The following LSR variants were observed in gnomAD, a reference collection of about 807,000 sequenced individuals.
LSR encodes lipolysis stimulated lipoprotein receptor, also known as lipolysis-stimulated lipoprotein receptor.
Under a neutral mutation model 61.8 loss-of-function variants are expected in LSR, and 44 were observed. That is an observed-to-expected ratio of 0.71 (90% CI 0.56 to 0.91). LSR has a LOEUF of 0.91. Ranked by LOEUF, LSR falls within the 40% of genes least tolerant of loss-of-function variation. The pLI is 0.00. For synonymous variants in LSR, 397 were observed against 350.6 expected (o/e 1.13, Z -1.48); for missense variants, 911 against 830.5 (o/e 1.10, Z -1.19).
At position 35,249,135 on chromosome 19, in the gene LSR, C is replaced by T. The variant is rs149370311; in HGVS notation, c.109+4C>T. 2.6e-3 allele frequency: 3,936 copies of T among 1,528,208 alleles called. 12 individuals are homozygous for T. The highest frequency in any genetic ancestry group is 7.8e-3 in the Middle Eastern group (34 of 4,348). The allele number at this position is 1,528,208 out of a possible 1,614,324, so 94.7% of individuals were successfully genotyped here. On this transcript the variant is annotated splice_donor_region_variant and intron_variant, in intron 1 of 9. Transcript: ENST00000605618. ...CTGCTTAGCACCTGGTGCACAGGTA[C>T]GGGGCACGGGGCCTCTGACGCTGCG...
Position 35,266,649 on chromosome 19 carries a change from G to A in LSR, c.953-30G>A. ...GCCGAGGAGGGGCTCTGCTCCTGGT[G>A]CGCGGCCACTGACAGCCACTCTCCC... On this transcript the variant is annotated intron_variant, in intron 6 of 9. Transcript: ENST00000605618. 1.9e-6 allele frequency: 3 copies of A among 1,601,146 alleles called. No individual in the cohort carries two copies. The South Asian group carries it at 3.4e-5, about 18-fold the overall frequency.
chr19:35,262,887 A>C, intron 5 of LSR, 195 bp downstream of exon 5: 1 of 613,786 alleles, frequency 1.6e-6, no homozygotes. Flanking sequence ...GTTTATTTTT[A>C]TTTATGTTGT....
In LSR at chr19:35,266,757, G is replaced by A. The variant is rs754574219; in HGVS notation, c.1012+19G>A. On this transcript the variant is annotated intron_variant, in intron 7 of 9. Coordinates refer to ENST00000605618, the MANE Select transcript of LSR (RefSeq NM_205834.4). ...GCCTCTGGTGAGAATCCATCGTCCC[G>A]AAGTTGGATGTGCCTGTAAGGGAGA... 1.2e-6 allele frequency: 2 copies of A among 1,608,936 alleles called. No homozygotes were observed. Among genetic ancestry groups the A allele is most frequent in the Non-Finnish European group, 8.5e-7 (1 of 1,177,894 alleles).
chr19:35,260,859 T>C (rs1279687888), intron 3 of LSR, among the ~76,000 whole-genome samples: 3 of 151,410 alleles, frequency 2.0e-5, no homozygotes, highest in Admixed American at 6.6e-5. Context: ...CACACACGCA[T>C]ATAGTCCATT....
chr19:35,249,091 G>T lies in LSR; in HGVS notation c.69G>T (p.Ala23=), dbSNP rs1198798752. 6 of 1,554,742 alleles carry T rather than the reference G, an allele frequency of 3.9e-6. No homozygotes were observed. Among genetic ancestry groups the T allele is most frequent in the Non-Finnish European group, 5.2e-6 (6 of 1,151,246 alleles). Residue 23 remains alanine, a synonymous_variant, in exon 1 of 10, where the codon GCG becomes GCT. Coordinates refer to ENST00000605618, the MANE Select transcript of LSR (RefSeq NM_205834.4). ...ACCCGGCCGCCGCAGGCCGGGACGC[G>T]GTCGTCTTCGTGTGGCTTCTGCTTA... is the stretch of plus-strand genomic sequence containing the variant. ...GSHPAAAGRD[A]VVFVWLLLST...
chr19:35,257,811 A>G (rs1156378225), intron 2 of LSR, among the ~76,000 whole-genome samples: 3 of 152,204 alleles, frequency 2.0e-5, no homozygotes, highest in Non-Finnish European at 4.4e-5. Context: ...GCAGAGAGGA[A>G]ACAGGATGTG....
Position 35,249,130 on chromosome 19 carries a change from A to G in LSR, c.108A>G (p.Thr36=). The G allele has an allele frequency of 2.0e-6, 3 of 1,537,300 alleles. No individual in the cohort carries two copies. Among genetic ancestry groups the G allele is most frequent in the Non-Finnish European group, 2.6e-6 (3 of 1,144,678 alleles). ...FVWLLLSTWC[T]APARAIQVTV... is the part of the protein sequence containing the mutation. ...GGCTTCTGCTTAGCACCTGGTGCAC[A>G]GGTACGGGGCACGGGGCCTCTGACG... The change falls in exon 1 of 10, where the codon ACA becomes ACG. Residue 36 remains threonine, a splice_region_variant and synonymous_variant. Coordinates refer to ENST00000605618, the MANE Select transcript of LSR (RefSeq NM_205834.4).
rs1194058689 is a variant in LSR, at chr19:35,250,339, C to G, written c.134C>G (p.Thr45Ser). 1.3e-6 allele frequency: 2 copies of G among 1,559,064 alleles called. No homozygotes were observed. Among genetic ancestry groups the G allele is most frequent in the East Asian group, 4.6e-5 (2 of 43,880 alleles). The change falls in exon 2 of 10, where the codon ACC (threonine) becomes AGC (serine). Residue 45 changes from threonine (T) to serine (S), a missense_variant. Transcript: ENST00000605618. ...CTAPARAIQV[T>S]VSNPYHVVIL... ...GCTCCTGCCAGGGCCATCCAGGTGA[C>G]CGTGTCCAACCCCTACCACGTGGTG...
Position 35,267,560 on chromosome 19 carries a change from G to T in LSR, c.1596G>T (p.Arg532Ser). Reference protein sequence around the residue: ...RTRDPRDNGSRSGDLPYDGRL... With the variant: ...RTRDPRDNGSSSGDLPYDGRL... ...GGGACCCTCGGGACAACGGCTCCAG[G>T]TCCGGGGACCTCCCCTATGATGGGC... The change falls in exon 9 of 10, where the codon AGG (arginine) becomes AGT (serine). Residue 532 changes from arginine (R) to serine (S), a missense_variant. Arg to Ser is a moderately radical substitution (Grantham distance 110). Transcript: ENST00000605618. 4.3e-6 allele frequency: 7 copies of T among 1,612,342 alleles called. No homozygotes were observed. Among genetic ancestry groups the T allele is most frequent in the Non-Finnish European group, 5.9e-6 (7 of 1,179,762 alleles).
intron 2 of LSR, among the ~76,000 whole-genome samples, chr19:35,257,899 T>G (rs749492274): frequency 2.0e-5 from 3 of 152,090 alleles, no homozygotes; most frequent in Non-Finnish European, 4.4e-5. Flanking sequence ...CCCCAAGCCC[T>G]GGGCCTGACC....
chr19:35,249,207 G>A, intron 1 of LSR, 76 bp downstream of exon 1: 2 of 1,458,094 alleles, frequency 1.4e-6, no homozygotes, highest in East Asian at 2.6e-5. Context: ...GTTGGAGGCG[G>A]CGGGAAGCGG....
At chr19:35,253,881 C>T (rs1442388830) in intron 2 of LSR, among the ~76,000 whole-genome samples, 1 of 152,176 alleles carries the variant, frequency 6.6e-6, no homozygotes, top group Non-Finnish European at 1.5e-5. Flanking sequence ...CAGGCTCTGT[C>T]TCGGGGAAGG....
Position 35,249,063 on chromosome 19 carries a change from C to A in LSR, c.41C>A (p.Ser14Tyr). Reference protein sequence around the residue: ...LAGGLSRGLGSHPAAAGRDAV... With the variant: ...LAGGLSRGLGYHPAAAGRDAV... ...GGCGGGCTCTCCAGAGGGCTGGGCT[C>A]CCACCCGGCCGCCGCAGGCCGGGAC... The change falls in exon 1 of 10, where the codon TCC becomes TAC. Residue 14 changes from serine to tyrosine, a missense_variant. Physicochemically the swap from Ser to Tyr is moderately radical, Grantham distance 144. Coordinates refer to ENST00000605618, the MANE Select transcript of LSR (RefSeq NM_205834.4). 1.3e-6 allele frequency: 2 copies of A among 1,570,114 alleles called. No individual in the cohort carries two copies. The highest frequency in any genetic ancestry group is 1.9e-5 in the Admixed American group (1 of 52,178).
chr19:35,249,614 A>T (rs953673503), intron 1 of LSR, among the ~76,000 whole-genome samples: 3 of 151,936 alleles, frequency 2.0e-5, no homozygotes, highest in Non-Finnish European at 4.4e-5. Context: ...CCCGCACCCC[A>T]CCCACCTCCC....
chr19:35,249,818 G>A (rs1314665563), intron 1 of LSR, among the ~76,000 whole-genome samples: 1 of 152,168 alleles, frequency 6.6e-6, no homozygotes, highest in African/African-American at 2.4e-5. Context: ...TGGAGATATT[G>A]TGGGGGCTTT....
chr19:35,261,973 C>T lies in LSR; in HGVS notation c.623C>T (p.Pro208Leu), dbSNP rs760021023. 1 of 1,508,614 alleles carries T rather than the reference C, an allele frequency of 6.6e-7. No homozygotes were observed. Among genetic ancestry groups the T allele is most frequent in the Non-Finnish European group, 8.8e-7 (1 of 1,139,356 alleles). 93.5% of individuals were successfully genotyped at this position (1,508,614 alleles called of 1,614,324 possible). A position where few individuals can be genotyped will look rare whatever the true frequency, so the allele number is the denominator to read the frequency against. Residue 208 changes from proline to leucine, a missense_variant, in exon 4 of 10, where the codon CCC becomes CTC. By Grantham distance (98) the Pro-to-Leu change is moderately conservative. Transcript: ENST00000605618. ...AELLPGFQAG[P>L]IEDWLFVVVV... ...CTCTTACCTGGTTTTCAGGCGGGGC[C>T]CATAGAAGGTACGGGGGGTGGATCC...
Position 35,250,487 on chromosome 19 carries a change from G to T in LSR, c.282G>T (p.Pro94=), listed in dbSNP as rs760163038. ...ACCGCATCGCCGATGCCTTCTCCCC[G>T]GCCAGCGTCGACAACCAGCTCAATG... ...CRDRIADAFS[P]ASVDNQLNAQ... is the part of the protein sequence containing the mutation. Residue 94 remains proline, a synonymous_variant, in exon 2 of 10, where the codon CCG becomes CCT. Coordinates refer to ENST00000605618, the MANE Select transcript of LSR (RefSeq NM_205834.4). The T allele has an allele frequency of 6.2e-7, 1 of 1,614,056 alleles. No homozygotes were observed. The highest frequency in any genetic ancestry group is 8.5e-7 in the Non-Finnish European group (1 of 1,179,990).
chr19:35,260,627 A>G (rs1247874437), intron 3 of LSR, among the ~76,000 whole-genome samples: 1 of 152,140 alleles, frequency 6.6e-6, no homozygotes, highest in Non-Finnish European at 1.5e-5. Flanking sequence ...AAGATACACA[A>G]GGAAGACTGG....
In LSR at chr19:35,255,340, TG is replaced by T. The variant is rs767415350; in HGVS notation, c.455-3604del. Among the ~76,000 whole-genome samples the T allele has an allele frequency of 9.3e-4, 141 of 151,526 alleles. 2 individuals carry two copies. Among genetic ancestry groups the T allele is most frequent in the Middle Eastern group, 3.4e-3 (1 of 294 alleles). On this transcript the variant is annotated intron_variant, in intron 2 of 9. Coordinates refer to ENST00000605618, the MANE Select transcript of LSR (RefSeq NM_205834.4). ...CTCAAAAAAGATACAGGTGGAAAAA[TG>T]ATGGACGAAGAGGGCATTGTGGCAA...
Sources: gnomAD v4.1 joint callset for allele counts (sites outside exome capture counted in the v4.1 genomes callset) on GRCh38, gnomAD v4.1.1 for gene constraint, MANE v1.5 for transcripts, NCBI Gene and HGNC (gene_info 2026-07-23, HGNC 2026-07-21) for gene names.